GIGYF2: variants seen among roughly 807,000 people sequenced by gnomAD.
GIGYF2 encodes GRB10 interacting GYF protein 2, also known as GRB10-interacting GYF protein 2.
In GIGYF2, 25 loss-of-function variants were observed where a neutral mutation model predicts 208.1. The observed-to-expected ratio is 0.12, with a 90% CI of 0.09 to 0.17. The LOEUF is 0.17. GIGYF2 is among the 10% of genes least tolerant of loss of function. GIGYF2 has a pLI of 1.00. For missense variants in GIGYF2, 1,302 were observed against 1,579.4 expected, an observed-to-expected ratio of 0.82 and a Z score of 2.98; for synonymous variants, 534 against 543.8, an observed-to-expected ratio of 0.98 and a Z score of 0.25.
Position 232,856,871 on chromosome 2 carries a change from G to T in GIGYF2, c.*11G>T, listed in dbSNP as rs770186051. 12 of 1,592,768 alleles carry T rather than the reference G, an allele frequency of 7.5e-6. No individual in the cohort carries two copies. Among genetic ancestry groups the T allele is most frequent in the Non-Finnish European group, 1.0e-5 (12 of 1,160,448 alleles). On this transcript the variant is annotated 3_prime_UTR_variant, in exon 29 of 29. Coordinates refer to ENST00000373563, the MANE Select transcript of GIGYF2 (RefSeq NM_001103146.3). ...TTGGATGACTACTGAGCACCTGCCA[G>T]TGGACTGGCCATCCCTCTCCTGTCT... is the stretch of plus-strand genomic sequence containing the variant.
At chr2:232,774,961 C>T (rs1699450036) in intron 8 of GIGYF2, among the ~76,000 whole-genome samples, 1 of 152,114 alleles carries the variant, frequency 6.6e-6, no homozygotes, top group Admixed American at 6.6e-5. Flanking sequence ...CACTCTTACT[C>T]TAGGCTCTTT....
At chr2:232,703,615 C>G (rs183942073) in intron 2 of GIGYF2, 126 bp downstream of exon 2, 29 of 152,150 alleles carry the variant, frequency 1.9e-4, no homozygotes, top group Admixed American at 1.6e-3. Flanking sequence ...GAAACTTCTT[C>G]CCTGGTGCCT....
rs576107772 is a variant in GIGYF2 at position 232,782,079 on chromosome 2, A to G, written c.533-5071A>G. Among the ~76,000 whole-genome samples, 6 of 152,262 alleles carry G rather than the reference A, an allele frequency of 3.9e-5. No individual in the cohort carries two copies. The East Asian group carries it at 1.2e-3, about 29-fold the overall frequency. ...GGATCAGGTGCTATGTCTCAGCCTTATCTTTGTTTTTAATCCTGTGTCTCT... is the reference window on the plus strand; with the variant it reads ...GGATCAGGTGCTATGTCTCAGCCTTGTCTTTGTTTTTAATCCTGTGTCTCT... On this transcript the variant is annotated intron_variant, in intron 8 of 28. Transcript: ENST00000373563.
intron 12 of GIGYF2, among the ~76,000 whole-genome samples, chr2:232,793,868 G>C (rs2106366928): frequency 6.6e-6 from 1 of 152,288 alleles, no homozygotes; most frequent in African/African-American, 2.4e-5. Context: ...GCTACTAAGA[G>C]ATTGGATGAG....
chr2:232,802,734 G>C (rs541880012), intron 14 of GIGYF2, among the ~76,000 whole-genome samples: 56 of 152,206 alleles, frequency 3.7e-4, no homozygotes, highest in African/African-American at 1.2e-3. Flanking sequence ...TTTGATACCA[G>C]GGTAATTTTG....
chr2:232,747,858 C>G, intron 4 of GIGYF2, 114 bp downstream of exon 4: 1 of 968,278 alleles, frequency 1.0e-6, no homozygotes, highest in Non-Finnish European at 1.6e-6. Flanking sequence ...CCATGCCTTT[C>G]CACCTTAACT....
At chr2:232,788,584 A>G in intron 9 of GIGYF2, 1 of 470,082 alleles carries the variant, frequency 2.1e-6, no homozygotes, top group Non-Finnish European at 4.4e-6. Flanking sequence ...GGTCAAAAAC[A>G]AACAAGGTGA....
intron 22 of GIGYF2, among the ~76,000 whole-genome samples, chr2:232,836,301 T>TAA: frequency 5.9e-5 from 1 of 16,982 alleles, no homozygotes; most frequent in Admixed American, 7.0e-4. Context: ...TATATATATA[T>TAA]ATATATATAT....
intron 3 of GIGYF2, among the ~76,000 whole-genome samples, chr2:232,741,706 A>G (rs1431547720): frequency 6.6e-6 from 1 of 152,002 alleles, no homozygotes; most frequent in Non-Finnish European, 1.5e-5. Context: ...GGCCTCCTAC[A>G]GTGTTGGGAT....
At chr2:232,807,231 G>A (rs1441460489) in intron 15 of GIGYF2, among the ~76,000 whole-genome samples, 1 of 152,164 alleles carries the variant, frequency 6.6e-6, no homozygotes, top group African/African-American at 2.4e-5. Flanking sequence ...ATTAAAAAAT[G>A]GAACCATGGC....
chr2:232,726,021 A>G (rs747708661), intron 2 of GIGYF2, among the ~76,000 whole-genome samples: 1 of 152,140 alleles, frequency 6.6e-6, no homozygotes, highest in Non-Finnish European at 1.5e-5. Context: ...GGTGGCCAGT[A>G]GTAGTAATGG....
chr2:232,781,864 G>T (rs529594730), intron 8 of GIGYF2, among the ~76,000 whole-genome samples: 1 of 152,322 alleles, frequency 6.6e-6, no homozygotes, highest in African/African-American at 2.4e-5. Flanking sequence ...TTCTGTTTCT[G>T]ATTTGATTAT....
At chr2:232,722,505 G>A (rs1282406787) in intron 2 of GIGYF2, 1 of 152,100 alleles carries the variant, frequency 6.6e-6, no homozygotes, top group Non-Finnish European at 1.5e-5. Flanking sequence ...GATTTGAGTG[G>A]GGACACAAAC....
At chr2:232,762,657 C>T (rs961077926) in intron 8 of GIGYF2, among the ~76,000 whole-genome samples, 1 of 152,096 alleles carries the variant, frequency 6.6e-6, no homozygotes, top group African/African-American at 2.4e-5. Flanking sequence ...AGCTTTGTAT[C>T]ACTGTTTCTG....
At position 232,810,792 on chromosome 2, in the gene GIGYF2, T is replaced by C. The variant is rs1478640171; in HGVS notation, c.1899-452T>C. ...CTAGTGAAGAAAAATTACCTAAATT[T>C]TTCCAAGTTGAAGACGATCAATGTA... On this transcript the variant is annotated intron_variant, in intron 16 of 28. Transcript: ENST00000373563. The C allele has an allele frequency of 1.5e-5, 3 of 193,890 alleles. No individual in the cohort carries two copies. The East Asian group carries it at 4.1e-4, about 26-fold the overall frequency. The allele number at this position is 193,890 out of a possible 1,614,324, so 12.0% of individuals were successfully genotyped here.
intron 8 of GIGYF2, among the ~76,000 whole-genome samples, chr2:232,766,258 G>A (rs1465413540): frequency 4.0e-5 from 6 of 151,860 alleles, no homozygotes; most frequent in African/African-American, 1.2e-4. Flanking sequence ...AGTTTTTTTT[G>A]GCATGTGTAG....
intron 2 of GIGYF2, among the ~76,000 whole-genome samples, chr2:232,718,184 A>T (rs1004714556): frequency 6.6e-6 from 1 of 151,718 alleles, no homozygotes; most frequent in Non-Finnish European, 1.5e-5. Flanking sequence ...TGCAACCTCC[A>T]CCTCCCAGGT....
intron 3 of GIGYF2, among the ~76,000 whole-genome samples, chr2:232,743,138 A>G (rs1169598005): frequency 6.6e-6 from 1 of 152,118 alleles, no homozygotes; most frequent in Non-Finnish European, 1.5e-5. Context: ...TTTACTACCC[A>G]TGGTAGAATT....
At chr2:232,702,551 G>A (rs1443357917) in intron 1 of GIGYF2, among the ~76,000 whole-genome samples, 1 of 152,122 alleles carries the variant, frequency 6.6e-6, no homozygotes, top group African/African-American at 2.4e-5. Context: ...TAGCAGTAAA[G>A]CATCATTTGA....
Sources: allele counts gnomAD v4.1 joint callset (sites outside exome capture counted in the v4.1 genomes callset), GRCh38; gene constraint gnomAD v4.1.1; transcripts MANE v1.5; gene names NCBI Gene and HGNC (gene_info 2026-07-23, HGNC 2026-07-21).